The following HEMK2 variants were observed in gnomAD, a reference collection of about 807,000 sequenced individuals.
HEMK2 encodes methyltransferase HEMK2.
the HEMK2 span, among the ~76,000 whole-genome samples, chr21:28,691,803 C>A: frequency 5.9e-5 from 9 of 152,142 alleles, no homozygotes; most frequent in Non-Finnish European, 1.0e-4. Flanking sequence ...TTTGAAACAA[C>A]CTGTGAATAT....
At chr21:28,681,518 C>A in the HEMK2 span, among the ~76,000 whole-genome samples, 1 of 152,052 alleles carries the variant, frequency 6.6e-6, no homozygotes, top group East Asian at 1.9e-4. Context: ...ATCAAGCTAC[C>A]AATGACTTTC....
At chr21:28,811,497 G>A in the HEMK2 span, among the ~76,000 whole-genome samples, 1 of 151,958 alleles carries the variant, frequency 6.6e-6, no homozygotes, top group Non-Finnish European at 1.5e-5. Flanking sequence ...AGAAAGCCAA[G>A]AAGGCTGATA....
the HEMK2 span, among the ~76,000 whole-genome samples, chr21:28,724,641 A>G: frequency 6.6e-6 from 1 of 152,246 alleles, no homozygotes; most frequent in South Asian, 2.1e-4. Context: ...AAATTTCATA[A>G]GAAGAAAAAC....
chr21:28,581,144 A>T, the HEMK2 span, among the ~76,000 whole-genome samples: 1 of 152,018 alleles, frequency 6.6e-6, no homozygotes, highest in East Asian at 1.9e-4. Flanking sequence ...ACCTTGTCTG[A>T]ATCTGGTGAG....
chr21:28,776,932 A>T, the HEMK2 span, among the ~76,000 whole-genome samples: 1 of 152,158 alleles, frequency 6.6e-6, no homozygotes, highest in African/African-American at 2.4e-5. Context: ...CAGGCCACTG[A>T]CTCAAAAGTT....
At chr21:28,721,941 CA>C in the HEMK2 span, among the ~76,000 whole-genome samples, 2 of 148,248 alleles carry the variant, frequency 1.3e-5, no homozygotes, top group East Asian at 2.0e-4. Context: ...CACACACATA[CA>C]CCTATTTGAT....
At chr21:28,699,610 T>C in the HEMK2 span, among the ~76,000 whole-genome samples, 1 of 152,212 alleles carries the variant, frequency 6.6e-6, no homozygotes, top group Non-Finnish European at 1.5e-5. Flanking sequence ...CACTGAACTT[T>C]AGTTCGATTT....
the HEMK2 span, among the ~76,000 whole-genome samples, chr21:28,829,497 G>A: frequency 6.6e-6 from 1 of 152,102 alleles, no homozygotes; most frequent in Admixed American, 6.6e-5. Context: ...CTTTCACCAT[G>A]AGATGACACA....
the HEMK2 span, among the ~76,000 whole-genome samples, chr21:28,717,704 T>C: frequency 6.6e-6 from 1 of 152,116 alleles, no homozygotes. Flanking sequence ...GTTCTCCAAC[T>C]CCTGACCTCA....
At chr21:28,837,211 G>A in the HEMK2 span, among the ~76,000 whole-genome samples, 7 of 152,004 alleles carry the variant, frequency 4.6e-5, no homozygotes, top group African/African-American at 9.7e-5. Flanking sequence ...AGATATATAC[G>A]GAACAGTTCA....
At chr21:28,764,049 A>G in the HEMK2 span, among the ~76,000 whole-genome samples, 3 of 152,082 alleles carry the variant, frequency 2.0e-5, no homozygotes. Context: ...GCAGTGACCT[A>G]CTTAGCATCA....
the HEMK2 span, among the ~76,000 whole-genome samples, chr21:28,856,853 C>T: frequency 1.5e-4 from 23 of 152,320 alleles, no homozygotes; most frequent in East Asian, 2.7e-3. Context: ...CTGAGCTGTG[C>T]GGACTCCCAG....
chr21:28,767,427 A>G, the HEMK2 span, among the ~76,000 whole-genome samples: 2 of 151,988 alleles, frequency 1.3e-5, no homozygotes, highest in East Asian at 1.9e-4. Flanking sequence ...TGAGATTTAA[A>G]AAAAAAAAGA....
the HEMK2 span, among the ~76,000 whole-genome samples, chr21:28,818,938 AGTTGCTCTT>A: frequency 6.6e-6 from 1 of 152,174 alleles, no homozygotes; most frequent in Non-Finnish European, 1.5e-5. Flanking sequence ...CTAATGTAAA[AGTTGCTCTT>A]TGGTATGTTG....
At chr21:28,722,872 G>A in the HEMK2 span, among the ~76,000 whole-genome samples, 4 of 149,786 alleles carry the variant, frequency 2.7e-5, no homozygotes, top group East Asian at 4.0e-4. Context: ...CAACAAGAGC[G>A]AAACTCAGTC....
chr21:28,877,422 G>GA, the HEMK2 span, among the ~76,000 whole-genome samples: 1 of 147,968 alleles, frequency 6.8e-6, no homozygotes, highest in African/African-American at 2.5e-5. Context: ...AGGAAGGAAA[G>GA]AAAGAGAGAG....
chr21:28,835,775 T>C, the HEMK2 span, among the ~76,000 whole-genome samples: 8 of 152,010 alleles, frequency 5.3e-5, no homozygotes, highest in Non-Finnish European at 7.4e-5. Flanking sequence ...TTCAAGGAAA[T>C]AGACGGCTTA....
chr21:28,655,986 T>C, the HEMK2 span, among the ~76,000 whole-genome samples: 2 of 152,216 alleles, frequency 1.3e-5, no homozygotes, highest in African/African-American at 4.8e-5. Flanking sequence ...ATGTAAAATT[T>C]GTGCACGATT....
the HEMK2 span, among the ~76,000 whole-genome samples, chr21:28,627,008 G>C: frequency 3.9e-4 from 60 of 152,264 alleles, no homozygotes; most frequent in Non-Finnish European, 7.6e-4. Context: ...ACAGCTGAAT[G>C]AATATGCCAA....
Sources: allele counts gnomAD v4.1 joint callset (sites outside exome capture counted in the v4.1 genomes callset), GRCh38; gene constraint gnomAD v4.1.1; transcripts MANE v1.5; gene names NCBI Gene and HGNC (gene_info 2026-07-23, HGNC 2026-07-21).